The following GALNT17 variants were observed in gnomAD, a reference collection of about 807,000 sequenced individuals.
The protein encoded by GALNT17 is polypeptide N-acetylgalactosaminyltransferase 17.
Under a neutral mutation model 63.7 loss-of-function variants are expected in GALNT17, and 29 were observed. The observed-to-expected ratio is 0.46, with a 90% CI of 0.34 to 0.62. The LOEUF (loss-of-function observed/expected upper bound fraction) is 0.62, where lower values mean the gene tolerates loss of function less well. GALNT17 is among the 20% of genes least tolerant of loss of function. The pLI is 0.01. For synonymous variants in GALNT17, 305 were observed against 318.3 expected, an observed-to-expected ratio of 0.96 and a Z score of 0.45; for missense variants, 603 against 799.6, an observed-to-expected ratio of 0.75 and a Z score of 2.97.
At chr7:71,405,770 G>A (rs1029688139) in intron 3 of GALNT17, among the ~76,000 whole-genome samples, 2 of 152,158 alleles carry the variant, frequency 1.3e-5, no homozygotes, top group African/African-American at 2.4e-5. Flanking sequence ...CCATTCATGA[G>A]GGTAGAGTCC....
chr7:71,168,807 G>T (rs1259520676), intron 1 of GALNT17, among the ~76,000 whole-genome samples: 2 of 152,040 alleles, frequency 1.3e-5, no homozygotes, highest in African/African-American at 4.8e-5. Context: ...TTAAAAAGTT[G>T]TTTTGATTGC....
At chr7:71,416,438 C>T (rs889721491) in intron 4 of GALNT17, among the ~76,000 whole-genome samples, 8 of 151,886 alleles carry the variant, frequency 5.3e-5, no homozygotes, top group Non-Finnish European at 1.5e-5. Flanking sequence ...ATGGTGAGAC[C>T]CTGTCTCTAC....
At chr7:71,301,411 A>T (rs1479467747) in intron 1 of GALNT17, among the ~76,000 whole-genome samples, 2 of 147,604 alleles carry the variant, frequency 1.4e-5, no homozygotes, top group South Asian at 2.1e-4. Flanking sequence ...ATATTTAAAT[A>T]TGTATATAAT....
At chr7:71,706,535 G>C (rs1791724332) in intron 9 of GALNT17, among the ~76,000 whole-genome samples, 1 of 152,130 alleles carries the variant, frequency 6.6e-6, no homozygotes, top group Non-Finnish European at 1.5e-5. Context: ...CATAAAGGCA[G>C]CTTGCTGTCA....
chr7:71,304,176 C>G (rs1437665787), intron 1 of GALNT17, among the ~76,000 whole-genome samples: 4 of 152,200 alleles, frequency 2.6e-5, no homozygotes, highest in Non-Finnish European at 5.9e-5. Flanking sequence ...TTTCCTTCAT[C>G]AGAGAATGAG....
At chr7:71,194,102 A>G (rs1011518607) in intron 1 of GALNT17, among the ~76,000 whole-genome samples, 10 of 152,014 alleles carry the variant, frequency 6.6e-5, no homozygotes, top group Admixed American at 3.3e-4. Context: ...CTGGAGTGCA[A>G]TGATGCAATC....
At chr7:71,137,139 CTTTT>C (rs398005145) in intron 1 of GALNT17, among the ~76,000 whole-genome samples, 1 of 117,356 alleles carries the variant, frequency 8.5e-6, no homozygotes, top group African/African-American at 3.3e-5. Flanking sequence ...ATATTTTTGA[CTTTT>C]TTTTTTTTTT....
chr7:71,295,260 G>A (rs902051237), intron 1 of GALNT17, among the ~76,000 whole-genome samples: 1 of 152,008 alleles, frequency 6.6e-6, no homozygotes, highest in Admixed American at 6.6e-5. Context: ...TTGCTTCTAG[G>A]TTCTTCCTTT....
At chr7:71,366,574 T>A (rs553906923) in intron 2 of GALNT17, among the ~76,000 whole-genome samples, 20 of 149,142 alleles carry the variant, frequency 1.3e-4, no homozygotes, top group African/African-American at 4.8e-4. Context: ...AGCGAGACTC[T>A]GTCTCAAACA....
In GALNT17 at chr7:71,397,941, T is replaced by TTG. The variant is rs1554365195; in HGVS notation, c.589+9541_589+9542insGT. Among the ~76,000 whole-genome samples, 336 of 150,808 alleles carry TTG rather than the reference T, an allele frequency of 2.2e-3. 4 individuals are homozygous for TTG. Among genetic ancestry groups the TTG allele is most frequent in the South Asian group, 0.017 (80 of 4,726 alleles). Reference sequence around the variant, plus strand: ...TTGATGGTTTTGCTCCATTATTGTCTTTGTTGTTGTTGTTGTTGTTGTTGT... The same window carrying TTG: ...TTGATGGTTTTGCTCCATTATTGTCTTGTTGTTGTTGTTGTTGTTGTTGTTGT... On this transcript the variant is annotated intron_variant, in intron 3 of 10. Transcript: ENST00000333538.
intron 5 of GALNT17, among the ~76,000 whole-genome samples, chr7:71,458,256 T>G (rs2116571755): frequency 6.6e-6 from 1 of 152,316 alleles, no homozygotes; most frequent in Non-Finnish European, 1.5e-5. Flanking sequence ...TTTCATTGCA[T>G]TAACAACTAC....
chr7:71,359,079 A>C (rs117731712), intron 2 of GALNT17, among the ~76,000 whole-genome samples: 2,171 of 152,294 alleles, frequency 0.014, 27 homozygotes, highest in Middle Eastern at 0.027. Context: ...GTTGATTTGC[A>C]ATGATTTACA....
At chr7:71,582,454 C>A (rs957193652) in intron 6 of GALNT17, among the ~76,000 whole-genome samples, 1 of 149,894 alleles carries the variant, frequency 6.7e-6, no homozygotes, top group Non-Finnish European at 1.5e-5. Flanking sequence ...TGGTGACATG[C>A]GCCTTAGACC....
intron 6 of GALNT17, among the ~76,000 whole-genome samples, chr7:71,585,064 CT>C (rs1789695351): frequency 6.6e-6 from 1 of 152,168 alleles, no homozygotes; most frequent in Non-Finnish European, 1.5e-5. Flanking sequence ...ATGTCTTTAA[CT>C]TGTTCCTTTA....
intron 5 of GALNT17, among the ~76,000 whole-genome samples, chr7:71,484,699 A>G (rs1450492702): frequency 6.6e-6 from 1 of 151,780 alleles, no homozygotes; most frequent in Non-Finnish European, 1.5e-5. Context: ...CATTAACCCA[A>G]ACTTCATTAT....
chr7:71,419,976 T>C (rs928291795), intron 4 of GALNT17, among the ~76,000 whole-genome samples: 3 of 152,344 alleles, frequency 2.0e-5, no homozygotes, highest in African/African-American at 7.2e-5. Context: ...GGTTGTCGAC[T>C]GTGTGTTCTC....
intron 1 of GALNT17, among the ~76,000 whole-genome samples, chr7:71,265,842 A>T (rs1473545366): frequency 6.6e-6 from 1 of 152,226 alleles, no homozygotes; most frequent in Admixed American, 6.5e-5. Flanking sequence ...TATTAGTTTC[A>T]TGCTGCTGCT....
At chr7:71,209,326 G>T (rs1445031768) in intron 1 of GALNT17, among the ~76,000 whole-genome samples, 1 of 152,116 alleles carries the variant, frequency 6.6e-6, no homozygotes, top group Non-Finnish European at 1.5e-5. Context: ...CAAATTCTAT[G>T]TGCTGGGTAC....
rs188671045 is a variant in GALNT17, at chr7:71,619,191, G to A, written c.1081-46220G>A. On this transcript the variant is annotated intron_variant, in intron 6 of 10. Transcript: ENST00000333538. The stretch of plus-strand genomic sequence containing the variant: ...ATAGTACCAAGCTGGTTTGACTACT[G>A]TGGCTTTGTAGTATAGTTTGAAGTC... Among the ~76,000 whole-genome samples, 2 of 152,152 alleles carry A rather than the reference G, an allele frequency of 1.3e-5. 1 individual carries two copies.
Sources: gnomAD v4.1 joint callset for allele counts (sites outside exome capture counted in the v4.1 genomes callset) on GRCh38, gnomAD v4.1.1 for gene constraint, MANE v1.5 for transcripts, NCBI Gene and HGNC (gene_info 2026-07-23, HGNC 2026-07-21) for gene names.